Variants in THUMPD2 observed in about 807,000 individuals in gnomAD.
THUMPD2 encodes THUMP domain 2 tRNA and snRNA guanosine methyltransferase, also known as U6 snRNA (guanine-N(2))-methyltransferase THUMPD2.
A neutral mutation model predicts 49.4 loss-of-function variants in THUMPD2; 56 were observed. The ratio of observed to expected loss-of-function variants is 1.13; its 90% CI spans 0.91 to 1.41. THUMPD2 has a LOEUF of 1.41. Among genes scored for constraint, THUMPD2 ranks in the 40% most tolerant of loss-of-function variants. THUMPD2 has a pLI of 0.00. For synonymous variants in THUMPD2, 237 were observed against 205.2 expected (o/e 1.15, Z -1.32); for missense variants, 709 against 594.5 (o/e 1.19, Z -2.00).
chr2:39,769,081 C>G (rs1677943500), intron 3 of THUMPD2: 2 of 1,304,198 alleles, frequency 1.5e-6, no homozygotes, highest in Middle Eastern at 2.1e-4. Context: ...GGTGACAATC[C>G]CATGTACAGG....
At chr2:39,738,695 A>G (rs1052532926) in intron 9 of THUMPD2, among the ~76,000 whole-genome samples, 15 of 148,362 alleles carry the variant, frequency 1.0e-4, no homozygotes, top group Non-Finnish European at 3.0e-5. Context: ...ATACATATAT[A>G]AATTATATAT....
chr2:39,778,227 T>C (rs1169281634), intron 1 of THUMPD2, among the ~76,000 whole-genome samples: 2 of 152,222 alleles, frequency 1.3e-5, no homozygotes, highest in African/African-American at 4.8e-5. Context: ...TCAATAAATG[T>C]CAGTAGTTAT....
At chr2:39,739,413 A>T (rs1673594240) in intron 9 of THUMPD2, among the ~76,000 whole-genome samples, 1 of 152,118 alleles carries the variant, frequency 6.6e-6, no homozygotes, top group East Asian at 1.9e-4. Context: ...GTCAAATATC[A>T]CTTTCCCAGA....
chr2:39,753,239 A>G (rs1675652177), intron 8 of THUMPD2, among the ~76,000 whole-genome samples: 1 of 152,126 alleles, frequency 6.6e-6, no homozygotes, highest in African/African-American at 2.4e-5. Context: ...CATTCTCTCA[A>G]GAGCCCCTCC....
rs771686820 is a variant in THUMPD2, at chr2:39,779,206, G to A, written c.34C>T (p.Pro12Ser). Residue 12 changes from proline (P) to serine (S), a missense_variant, in exon 1 of 10, where the codon CCT (proline) becomes TCT (serine). Physicochemically the swap from Pro to Ser is moderately conservative, Grantham distance 74 (BLOSUM62 -1). Coordinates refer to ENST00000505747, the MANE Select transcript of THUMPD2 (RefSeq NM_025264.5). Reference sequence around the variant, plus strand: ...CAGAAGAATCGGGCGCCAGCCTCAGGCCCGGACCCTGGCTCTCCACGCGCC... The same window carrying A: ...CAGAAGAATCGGGCGCCAGCCTCAGACCCGGACCCTGGCTCTCCACGCGCC... The part of the protein sequence containing the change: ...SEARGEPGSG[P>S]EAGARFFCTA... 2.0e-6 allele frequency: 3 copies of A among 1,510,696 alleles called. No homozygotes were observed. Among genetic ancestry groups the A allele is most frequent in the Non-Finnish European group, 1.8e-6 (2 of 1,135,406 alleles). The allele number at this position is 1,510,696 out of a possible 1,614,324, so 93.6% of individuals were successfully genotyped here. A position where few individuals can be genotyped will look rare whatever the true frequency, so the allele number is the denominator to read the frequency against.
intron 1 of THUMPD2, among the ~76,000 whole-genome samples, chr2:39,778,312 G>GGTA (rs1447290890): frequency 6.6e-6 from 1 of 152,190 alleles, no homozygotes; most frequent in Non-Finnish European, 1.5e-5. Flanking sequence ...ACAAGTGGCA[G>GGTA]GTAGTCTAAC....
chr2:39,765,233 C>G lies in THUMPD2; in HGVS notation c.803+824G>C, dbSNP rs1486252818. ...GGAGTGCAATGGCATGATTCTGGCT[C>G]ATGGCCACCTCCGCCTCCTGGGTTC... On this transcript the variant is annotated intron_variant, in intron 5 of 9. Coordinates refer to ENST00000505747, the MANE Select transcript of THUMPD2 (RefSeq NM_025264.5). 2.0e-5 allele frequency among the ~76,000 whole-genome samples: 3 copies of G among 152,176 alleles called. No homozygotes were observed. In the East Asian group the frequency reaches 5.8e-4, roughly 29 times the overall value.
intron 4 of THUMPD2, among the ~76,000 whole-genome samples, chr2:39,767,636 G>C (rs1677726268): frequency 6.8e-6 from 1 of 146,896 alleles, no homozygotes; most frequent in South Asian, 2.2e-4. Context: ...TTGGAAAGGG[G>C]CAGATAAGAG....
At chr2:39,749,074 T>C (rs981822956) in intron 8 of THUMPD2, among the ~76,000 whole-genome samples, 2 of 152,214 alleles carry the variant, frequency 1.3e-5, no homozygotes, top group East Asian at 1.9e-4. Context: ...TTATGAATTA[T>C]ATGGGTATAA....
intron 6 of THUMPD2, among the ~76,000 whole-genome samples, chr2:39,760,073 T>G (rs552387769): frequency 6.6e-6 from 1 of 152,186 alleles, no homozygotes; most frequent in Non-Finnish European, 1.5e-5. Flanking sequence ...TGACTAAGAA[T>G]AGGCTGTGTA....
At chr2:39,739,860 AC>A (rs557478484) in intron 9 of THUMPD2, among the ~76,000 whole-genome samples, 79 of 152,336 alleles carry the variant, frequency 5.2e-4, no homozygotes, top group African/African-American at 1.8e-3. Context: ...GAAGACAGAA[AC>A]TGAAGTAACT....
chr2:39,757,342 C>A, intron 6 of THUMPD2: 1 of 1,269,852 alleles, frequency 7.9e-7, no homozygotes, highest in South Asian at 1.2e-5. Context: ...AGTGCACAGC[C>A]AGGTTTCAGT....
chr2:39,766,880 T>C (rs72938118), intron 4 of THUMPD2, among the ~76,000 whole-genome samples: 4,077 of 152,310 alleles, frequency 0.027, 173 homozygotes, highest in African/African-American at 0.092. Context: ...TTTAATTACC[T>C]GATTAACTGA....
intron 3 of THUMPD2, 126 bp from the exon 4 acceptor site, chr2:39,768,627 C>A: frequency 1.2e-6 from 1 of 819,950 alleles, no homozygotes. Context: ...ATTTAGAGTT[C>A]TGATATTAAA....
intron 5 of THUMPD2, among the ~76,000 whole-genome samples, chr2:39,762,997 A>C (rs1224015145): frequency 1.3e-5 from 2 of 152,038 alleles, no homozygotes; most frequent in East Asian, 3.8e-4. Flanking sequence ...AAATTATCTC[A>C]TTACTTCAAC....
chr2:39,752,759 T>C (rs917152418), intron 8 of THUMPD2, among the ~76,000 whole-genome samples: 7 of 152,214 alleles, frequency 4.6e-5, no homozygotes, highest in Admixed American at 1.3e-4. Context: ...TCAGTAGTAA[T>C]GAAAGGTAAA....
intron 5 of THUMPD2, among the ~76,000 whole-genome samples, chr2:39,763,471 T>C (rs1246972844): frequency 6.6e-6 from 1 of 152,160 alleles, no homozygotes; most frequent in African/African-American, 2.4e-5. Flanking sequence ...ACTTCAAATA[T>C]CTACTTGGAC....
intron 9 of THUMPD2, among the ~76,000 whole-genome samples, chr2:39,743,894 G>A (rs1674238341): frequency 6.6e-6 from 1 of 152,130 alleles, no homozygotes; most frequent in Admixed American, 6.5e-5. Flanking sequence ...TAAATAATAA[G>A]GTGTTGCCCA....
At chr2:39,758,891 C>G (rs1676467938) in intron 6 of THUMPD2, among the ~76,000 whole-genome samples, 1 of 151,448 alleles carries the variant, frequency 6.6e-6, no homozygotes, top group Admixed American at 6.6e-5. Context: ...CTGGAGAACA[C>G]AGATCAATAT....
Sources: gnomAD v4.1 joint callset for allele counts (sites outside exome capture counted in the v4.1 genomes callset) on GRCh38, gnomAD v4.1.1 for gene constraint, MANE v1.5 for transcripts, NCBI Gene and HGNC (gene_info 2026-07-23, HGNC 2026-07-21) for gene names.